LCLAT1: variants seen among roughly 807,000 people sequenced by gnomAD.
LCLAT1 encodes 1-AGP acyltransferase 8.
A neutral mutation model predicts 30.7 loss-of-function variants in LCLAT1; 11 were observed. The observed-to-expected ratio is 0.36, with a 90% CI of 0.23 to 0.59. LCLAT1 has a LOEUF of 0.59. Ranked by LOEUF, LCLAT1 falls within the 20% of genes least tolerant of loss-of-function variation. The pLI, the probability that LCLAT1 is intolerant of heterozygous loss-of-function variation, is 0.77. For missense variants in LCLAT1, 402 were observed against 458.6 expected, an observed-to-expected ratio of 0.88 and a Z score of 1.13; for synonymous variants, 155 against 151.3, an observed-to-expected ratio of 1.02 and a Z score of -0.18.
intron 1 of LCLAT1, among the ~76,000 whole-genome samples, chr2:30,459,288 T>G (rs1273957163): frequency 5.3e-5 from 8 of 152,164 alleles, no homozygotes; most frequent in Non-Finnish European, 1.0e-4. Flanking sequence ...ACCTGGCCAG[T>G]GTTAACATTT....
intron 3 of LCLAT1, 65 bp downstream of exon 3, chr2:30,533,379 A>T: frequency 7.4e-7 from 1 of 1,360,074 alleles, no homozygotes; most frequent in African/African-American, 1.4e-5. Flanking sequence ...CCACTGTAAA[A>T]CTGACTTAAG....
chr2:30,521,489 CTTCTTTTTTTTT>C (rs1430974203), intron 1 of LCLAT1, among the ~76,000 whole-genome samples: 2,690 of 55,684 alleles, frequency 0.048, 166 homozygotes, highest in Admixed American at 0.14. Flanking sequence ...TAAACTACTT[CTTCTTTTTTTTT>C]TTTTTTTTTT....
chr2:30,600,459 G>C (rs919989102), intron 5 of LCLAT1, among the ~76,000 whole-genome samples: 2 of 152,140 alleles, frequency 1.3e-5, no homozygotes, highest in African/African-American at 4.8e-5. Flanking sequence ...AAAAGAACTA[G>C]AGAACCAAGA....
rs1238791506 is a variant in LCLAT1 at position 30,642,807 on chromosome 2, A to T, written c.*2188A>T. The T allele has an allele frequency of 7.9e-6, 1 of 127,048 alleles. No homozygotes were observed. The highest frequency in any genetic ancestry group is 3.0e-5 in the African/African-American group (1 of 32,902). 7.9% of individuals were successfully genotyped at this position (127,048 alleles called of 1,614,324 possible). The stretch of plus-strand genomic sequence containing the variant: ...GTACATTTAGTGCTGTATAGCACTA[A>T]AACTTAGAGATACAGACACTGTACT... On this transcript the variant is annotated 3_prime_UTR_variant, in exon 6 of 6. Transcript: ENST00000379509.
chr2:30,594,693 A>G (rs1027142051), intron 5 of LCLAT1, among the ~76,000 whole-genome samples: 1 of 152,202 alleles, frequency 6.6e-6, no homozygotes. Flanking sequence ...TCTCAGCACA[A>G]TGTATAAAAT....
chr2:30,564,474 C>T lies in LCLAT1; in HGVS notation c.511+2182C>T, dbSNP rs933688274. 4.3e-5 allele frequency among the ~76,000 whole-genome samples: 5 copies of T among 115,952 alleles called. No individual in the cohort carries two copies. In the Admixed American group the frequency reaches 5.0e-4, roughly 12 times the overall value. 76.1% of individuals were successfully genotyped at this position (115,952 alleles called of 152,430 possible). ...GGTTTCTTTTTGTAGGTGATGAACTCTCCATCTAGTTGCATAATTTTGGAG... is the reference window on the plus strand; with the variant it reads ...GGTTTCTTTTTGTAGGTGATGAACTTTCCATCTAGTTGCATAATTTTGGAG... On this transcript the variant is annotated intron_variant, in intron 4 of 5. Coordinates refer to ENST00000379509, the MANE Select transcript of LCLAT1 (RefSeq NM_001002257.3).
At chr2:30,450,935 G>A (rs761275364) in intron 1 of LCLAT1, among the ~76,000 whole-genome samples, 5 of 152,226 alleles carry the variant, frequency 3.3e-5, no homozygotes, top group Admixed American at 2.6e-4. Context: ...AATATGGACC[G>A]GAAGAAGAAA....
At chr2:30,553,871 C>T (rs558451407) in intron 3 of LCLAT1, among the ~76,000 whole-genome samples, 1 of 151,770 alleles carries the variant, frequency 6.6e-6, no homozygotes, top group East Asian at 1.9e-4. Context: ...ATACAGGTTG[C>T]GCTATCATTA....
chr2:30,484,709 T>C (rs1367233261), intron 1 of LCLAT1, among the ~76,000 whole-genome samples: 2 of 152,194 alleles, frequency 1.3e-5, no homozygotes, highest in African/African-American at 4.8e-5. Flanking sequence ...CTAGAACTAT[T>C]ATGATCAGTG....
intron 5 of LCLAT1, among the ~76,000 whole-genome samples, chr2:30,585,011 A>G (rs928834329): frequency 3.3e-5 from 5 of 151,396 alleles, no homozygotes; most frequent in Non-Finnish European, 1.5e-5. Context: ...GTAAGGTTTT[A>G]TATATCAGAG....
intron 1 of LCLAT1, among the ~76,000 whole-genome samples, chr2:30,482,008 A>C (rs1394197789): frequency 6.6e-6 from 1 of 152,358 alleles, no homozygotes; most frequent in South Asian, 2.1e-4. Flanking sequence ...CTGAGTATTC[A>C]ATCTGTTAAC....
chr2:30,460,737 C>T lies in LCLAT1; in HGVS notation c.-5+13354C>T, dbSNP rs187294914. On this transcript the variant is annotated intron_variant, in intron 1 of 5. Transcript: ENST00000379509. The stretch of plus-strand genomic sequence containing the variant: ...TAGATAGTTCAGGAAAGGAGCTGTC[C>T]ACATCAGAGAGACCTTGGAACTTTT... 3.9e-5 allele frequency among the ~76,000 whole-genome samples: 6 copies of T among 152,214 alleles called. No individual in the cohort carries two copies. In the East Asian group the frequency reaches 7.7e-4, roughly 20 times the overall value.
intron 5 of LCLAT1, among the ~76,000 whole-genome samples, chr2:30,598,287 G>A: frequency 6.6e-6 from 1 of 151,926 alleles, no homozygotes; most frequent in East Asian, 1.9e-4. Context: ...TTTTTTGGTT[G>A]GTAGGTTATT....
At position 30,633,812 on chromosome 2, in the gene LCLAT1, A is replaced by G. The variant is rs2602810; in HGVS notation, c.629-6305A>G. 9.1e-3 allele frequency among the ~76,000 whole-genome samples: 1,392 copies of G among 152,362 alleles called. 24 individuals carry two copies. Among genetic ancestry groups the G allele is most frequent in the African/African-American group, 0.032 (1,344 of 41,584 alleles). On this transcript the variant is annotated intron_variant, in intron 5 of 5. Coordinates refer to ENST00000379509, the MANE Select transcript of LCLAT1 (RefSeq NM_001002257.3). ...GTTAAAAAAATTGTGTTATTCTGTCATTGAACTATATAATTGGATCTGATA... is the reference window on the plus strand; with the variant it reads ...GTTAAAAAAATTGTGTTATTCTGTCGTTGAACTATATAATTGGATCTGATA...
chr2:30,617,975 G>A (rs1668074512), intron 5 of LCLAT1, among the ~76,000 whole-genome samples: 2 of 152,108 alleles, frequency 1.3e-5, no homozygotes, highest in African/African-American at 2.4e-5. Flanking sequence ...CTTATGAAGA[G>A]TAGATGTGTT....
intron 1 of LCLAT1, among the ~76,000 whole-genome samples, chr2:30,487,359 G>A (rs1238022493): frequency 6.6e-6 from 1 of 152,046 alleles, no homozygotes; most frequent in Non-Finnish European, 1.5e-5. Context: ...GAGAAAAATG[G>A]TATAGAAAAT....
intron 5 of LCLAT1, among the ~76,000 whole-genome samples, chr2:30,623,115 G>T (rs140469778): frequency 6.9e-6 from 1 of 144,040 alleles, no homozygotes; most frequent in East Asian, 2.0e-4. Context: ...GTGCAGTGGC[G>T]TGCTCTCTGC....
chr2:30,503,196 A>G (rs1201262973), intron 1 of LCLAT1, among the ~76,000 whole-genome samples: 1 of 152,170 alleles, frequency 6.6e-6, no homozygotes, highest in African/African-American at 2.4e-5. Context: ...CTAATGGACA[A>G]TGGGGGCAGC....
chr2:30,573,554 C>G (rs1218719024), intron 5 of LCLAT1, among the ~76,000 whole-genome samples: 1 of 152,100 alleles, frequency 6.6e-6, no homozygotes, highest in Non-Finnish European at 1.5e-5. Context: ...TTTGTTCTAG[C>G]CTTACTGAAC....
Sources: allele counts gnomAD v4.1 joint callset (sites outside exome capture counted in the v4.1 genomes callset), GRCh38; gene constraint gnomAD v4.1.1; transcripts MANE v1.5; gene names NCBI Gene and HGNC (gene_info 2026-07-23, HGNC 2026-07-21).